ZFX: variants seen among roughly 807,000 people sequenced by gnomAD.
ZFX encodes zinc finger X-chromosomal protein.
For missense variants in ZFX, 362 were observed against 628.3 expected (o/e 0.58, Z 4.53); for synonymous variants, 196 against 226.8 (o/e 0.86, Z 1.22).
At chrX:24,207,246 T>A (rs199581632) in intron 5 of ZFX, 80 bp from the exon 6 acceptor site, 926 of 296,224 alleles carry the variant, frequency 3.1e-3, no homozygotes, top group Non-Finnish European at 3.5e-3. Context: ...AAAAAAAAAA[T>A]TTTTTTTTTT....
At chrX:24,208,052 C>T (rs1182453387) in intron 7 of ZFX, among the ~76,000 whole-genome samples, 166 bp from the exon 8 acceptor site, 1 of 112,936 alleles carries the variant, frequency 8.9e-6, no homozygotes, top group African/African-American at 3.2e-5. Flanking sequence ...GTAAATGATT[C>T]ATTCAACAAA....
At chrX:24,176,036 T>TA (rs1364979520) in intron 4 of ZFX, among the ~76,000 whole-genome samples, 1 of 109,410 alleles carries the variant, frequency 9.1e-6, no homozygotes, top group East Asian at 2.8e-4. Context: ...AAAGTGAACA[T>TA]ACTCTTTTTT....
chrX:24,150,111 G>A (rs1321562723), intron 1 of ZFX: 2 of 104,782 alleles, frequency 1.9e-5, no homozygotes, highest in African/African-American at 3.4e-5. Flanking sequence ...TGGCGAGGAG[G>A]CGAAGGCTGC....
At chrX:24,163,015 A>G (rs1468731975) in intron 3 of ZFX, among the ~76,000 whole-genome samples, 1 of 111,402 alleles carries the variant, frequency 9.0e-6, no homozygotes, top group Non-Finnish European at 1.9e-5. Context: ...TTTAGCGTGT[A>G]TCCTATTTAT....
chrX:24,168,289 TAG>T (rs982674770), intron 3 of ZFX, among the ~76,000 whole-genome samples: 2 of 112,018 alleles, frequency 1.8e-5, no homozygotes, highest in African/African-American at 6.5e-5. Context: ...TGAGAAGAAT[TAG>T]AGTTGAGTCA....
At chrX:24,201,776 A>G (rs1336310805) in intron 5 of ZFX, among the ~76,000 whole-genome samples, 2 of 112,426 alleles carry the variant, frequency 1.8e-5, no homozygotes, top group East Asian at 5.6e-4. Context: ...GAACATTAAT[A>G]TTGACTCTTT....
At chrX:24,173,479 T>C (rs918673385) in intron 4 of ZFX, 3 of 953,450 alleles carry the variant, frequency 3.1e-6, no homozygotes, top group South Asian at 2.8e-5. Flanking sequence ...GGAAAAATTA[T>C]ACTCAGGAAG....
At chrX:24,169,560 A>G (rs1417437935) in intron 3 of ZFX, among the ~76,000 whole-genome samples, 1 of 104,520 alleles carries the variant, frequency 9.6e-6, no homozygotes, top group Non-Finnish European at 2.0e-5. Context: ...GGATCAGGAA[A>G]TATGAAGCTG....
intron 5 of ZFX, among the ~76,000 whole-genome samples, chrX:24,200,503 C>G (rs1937223236): frequency 8.9e-6 from 1 of 111,902 alleles, no homozygotes; most frequent in African/African-American, 3.2e-5. Flanking sequence ...ATGGGATCGA[C>G]TTTGGAGTTA....
At chrX:24,157,754 G>C (rs1569122111) in intron 3 of ZFX, among the ~76,000 whole-genome samples, 1 of 111,705 alleles carries the variant, frequency 9.0e-6, no homozygotes, top group African/African-American at 3.3e-5. Context: ...ATGTGAAGTT[G>C]TAGGAATACC....
intron 5 of ZFX, among the ~76,000 whole-genome samples, chrX:24,188,035 G>A (rs995435852): frequency 1.5e-4 from 17 of 110,144 alleles, no homozygotes; most frequent in African/African-American, 5.6e-4. Flanking sequence ...AGCCGGGCAT[G>A]GTGGTGCGCA....
chrX:24,161,804 C>A (rs1181969125), intron 3 of ZFX: 2 of 103,328 alleles, frequency 1.9e-5, no homozygotes, highest in Non-Finnish European at 3.9e-5. Flanking sequence ...TCAAGTGATT[C>A]TTCTTCTGCC....
At chrX:24,187,911 C>A (rs931973245) in intron 5 of ZFX, among the ~76,000 whole-genome samples, 1 of 111,546 alleles carries the variant, frequency 9.0e-6, no homozygotes, top group African/African-American at 3.3e-5. Flanking sequence ...CGGTGACTCA[C>A]GCCTGCAATC....
chrX:24,167,620 TA>T (rs1934127933), intron 3 of ZFX, among the ~76,000 whole-genome samples: 1 of 111,729 alleles, frequency 9.0e-6, no homozygotes, highest in African/African-American at 3.2e-5. Flanking sequence ...CTATTAGAAT[TA>T]AAATATGAAC....
At chrX:24,176,491 G>C (rs1935154764) in intron 4 of ZFX, among the ~76,000 whole-genome samples, 1 of 85,720 alleles carries the variant, frequency 1.2e-5, no homozygotes, top group East Asian at 4.0e-4. Context: ...GGAGTGCAGT[G>C]ATACAATCTC....
At chrX:24,191,471 A>G (rs1167229218) in intron 5 of ZFX, among the ~76,000 whole-genome samples, 1 of 111,887 alleles carries the variant, frequency 8.9e-6, no homozygotes, top group African/African-American at 3.3e-5. Context: ...AAATGTATTT[A>G]TCTACTAAAG....
intron 3 of ZFX, among the ~76,000 whole-genome samples, chrX:24,157,251 A>G (rs1359275134): frequency 1.8e-5 from 2 of 111,617 alleles, no homozygotes; most frequent in Admixed American, 9.5e-5. Flanking sequence ...TGTGAATAGG[A>G]TTTTCTTTTA....
At chrX:24,153,709 T>G (rs893506278) in intron 3 of ZFX, among the ~76,000 whole-genome samples, 3 of 111,532 alleles carry the variant, frequency 2.7e-5, no homozygotes, top group Non-Finnish European at 3.8e-5. Context: ...ATTTAATGTA[T>G]TATATTTGAA....
chrX:24,209,870 C>A (rs758509471), intron 9 of ZFX, among the ~76,000 whole-genome samples: 1 of 111,901 alleles, frequency 8.9e-6, no homozygotes, highest in Non-Finnish European at 1.9e-5. Flanking sequence ...CGTGAGCCAC[C>A]GTGCCCAGCC....
Sources: gnomAD v4.1 joint callset for allele counts (sites outside exome capture counted in the v4.1 genomes callset) on GRCh38, gnomAD v4.1.1 for gene constraint, MANE v1.5 for transcripts, NCBI Gene and HGNC (gene_info 2026-07-23, HGNC 2026-07-21) for gene names.